Variants in ZNF705G observed in about 807,000 individuals in gnomAD.
ZNF705G encodes the protein zinc finger protein 705G, also known as putative zinc finger protein 705G.
ZNF705G carries 23 observed loss-of-function variants against 19.6 expected under a neutral mutation model. The ratio of observed to expected loss-of-function variants is 1.17; its 90% CI spans 0.84 to 1.66. The LOEUF is 1.66. Among genes scored for constraint, ZNF705G ranks in the 40% most tolerant of loss-of-function variants. The pLI, the probability that ZNF705G is intolerant of heterozygous loss-of-function variation, is 0.00. For missense variants in ZNF705G, 457 were observed against 354.4 expected (o/e 1.29, Z -2.32); for synonymous variants, 146 against 117.7 (o/e 1.24, Z -1.56).
rs866176858 is a variant in ZNF705G at position 7,381,155 on chromosome 8, A to G, written c.-72+297T>C. Among the ~76,000 whole-genome samples the G allele has an allele frequency of 4.6e-4, 57 of 123,310 alleles. 3 individuals carry two copies. The Middle Eastern group carries it at 0.023, about 49-fold the overall frequency. The allele number at this position is 123,310 out of a possible 152,430, so 80.9% of individuals were successfully genotyped here. A position where few individuals can be genotyped will look rare whatever the true frequency, so the allele number is the denominator to read the frequency against. The stretch of plus-strand genomic sequence containing the variant: ...TTGCCATTGCTTTGATTCACATGGA[A>G]ATGGTTTGTAAGCTGTGATGCCTAC... On this transcript the variant is annotated intron_variant, in intron 2 of 6. Coordinates refer to ENST00000400156, the MANE Select transcript of ZNF705G (RefSeq NM_001164457.3).
At chr8:7,365,231 T>C (rs1317848368) in intron 2 of ZNF705G, among the ~76,000 whole-genome samples, 1 of 149,562 alleles carries the variant, frequency 6.7e-6, no homozygotes, top group African/African-American at 2.6e-5. Context: ...AAAACTTATG[T>C]TATGGGTCTA....
At chr8:7,382,710 C>T (rs3915363) in intron 1 of ZNF705G, among the ~76,000 whole-genome samples, 89,987 of 145,194 alleles carry the variant, frequency 0.62, 24,726 homozygotes, top group Admixed American at 0.67. Flanking sequence ...AATTAACCAA[C>T]ATTTAATACC....
intron 2 of ZNF705G, among the ~76,000 whole-genome samples, chr8:7,367,446 C>A (rs768064975): frequency 4.0e-5 from 6 of 149,430 alleles, no homozygotes; most frequent in Non-Finnish European, 8.8e-5. Flanking sequence ...ACAAAAATGG[C>A]AAAGCATAAT....
chr8:7,383,722 G>C (rs1192524110), intron 1 of ZNF705G, among the ~76,000 whole-genome samples: 1 of 149,376 alleles, frequency 6.7e-6, no homozygotes, highest in Non-Finnish European at 1.5e-5. Flanking sequence ...TATAAAAGAG[G>C]CCTGAAGGAG....
In ZNF705G at chr8:7,380,157, C is replaced by G. The variant is rs571921958; in HGVS notation, c.-72+1295G>C. 1.2e-3 allele frequency among the ~76,000 whole-genome samples: 174 copies of G among 143,012 alleles called. 3 individuals are homozygous for G. In the Middle Eastern group the frequency reaches 0.014, roughly 11 times the overall value. 93.8% of individuals were successfully genotyped at this position (143,012 alleles called of 152,430 possible). Reference sequence around the variant, plus strand: ...AAGTGGAGAGTCACCTTCCCAGGACCACTGACACTGACAGCAATCCTGGCC... The same window carrying G: ...AAGTGGAGAGTCACCTTCCCAGGACGACTGACACTGACAGCAATCCTGGCC... On this transcript the variant is annotated intron_variant, in intron 2 of 6. Transcript: ENST00000400156.
intron 4 of ZNF705G, among the ~76,000 whole-genome samples, chr8:7,360,877 C>A (rs1179895543): frequency 6.7e-6 from 1 of 149,310 alleles, no homozygotes; most frequent in African/African-American, 2.6e-5. Flanking sequence ...CCAAAGAAAC[C>A]ATGAAATCCT....
chr8:7,368,167 C>A (rs9720878), intron 2 of ZNF705G, among the ~76,000 whole-genome samples: 2 of 149,502 alleles, frequency 1.3e-5, no homozygotes, highest in Non-Finnish European at 2.9e-5. Context: ...GACACTGAAT[C>A]TAATCAAAAA....
rs1221544776 is a variant in ZNF705G at position 7,355,668 on chromosome 8, T to G, written c.*2308A>C. On this transcript the variant is annotated 3_prime_UTR_variant, in exon 7 of 7. Coordinates refer to ENST00000400156, the MANE Select transcript of ZNF705G (RefSeq NM_001164457.3). ...TACGCTTTAATAATGGCTGGAGATC[T>G]GCCACCATGCATTTGTCAAATCCCA... 1 of 149,776 alleles carries G rather than the reference T, an allele frequency of 6.7e-6. No homozygotes were observed. The highest frequency in any genetic ancestry group is 1.5e-5 in the Non-Finnish European group (1 of 68,002). The allele number at this position is 149,776 out of a possible 1,614,324, so 9.3% of individuals were successfully genotyped here. A position where few individuals can be genotyped will look rare whatever the true frequency, so the allele number is the denominator to read the frequency against.
chr8:7,367,401 G>A (rs1480347787), intron 2 of ZNF705G, among the ~76,000 whole-genome samples: 7 of 149,424 alleles, frequency 4.7e-5, no homozygotes, highest in Non-Finnish European at 8.8e-5. Context: ...GCAGACCCCA[G>A]GAAGAAGCAA....
intron 2 of ZNF705G, among the ~76,000 whole-genome samples, chr8:7,381,022 C>A (rs374659296): frequency 0.99 from 32,810 of 33,306 alleles, 16,167 homozygotes; most frequent in Middle Eastern, 1. Context: ...TCTCAAACCA[C>A]CACCAAAAAA....
At chr8:7,385,308 C>T (rs1366876671) in intron 1 of ZNF705G, among the ~76,000 whole-genome samples, 190 bp downstream of exon 1, 1 of 148,564 alleles carries the variant, frequency 6.7e-6, no homozygotes, top group East Asian at 1.9e-4. Flanking sequence ...CACAAACACT[C>T]ATACCACAGC....
intron 3 of ZNF705G, among the ~76,000 whole-genome samples, chr8:7,362,185 C>T (rs1487779683): frequency 6.7e-6 from 1 of 149,590 alleles, no homozygotes; most frequent in African/African-American, 2.6e-5. Context: ...AAATTGTACT[C>T]TATCTACTAT....
At chr8:7,368,018 CTT>C (rs1286591294) in intron 2 of ZNF705G, among the ~76,000 whole-genome samples, 2 of 149,682 alleles carry the variant, frequency 1.3e-5, no homozygotes, top group East Asian at 3.9e-4. Flanking sequence ...CAGCAAGACT[CTT>C]TCCCCAAGGT....
intron 3 of ZNF705G, among the ~76,000 whole-genome samples, chr8:7,361,573 G>A (rs1464738813): frequency 2.0e-5 from 3 of 149,600 alleles, no homozygotes; most frequent in Admixed American, 6.6e-5. Context: ...AATTTACCAT[G>A]AATTTCAAGT....
rs761012848 is a variant in ZNF705G, at chr8:7,359,684, T to C, written c.253A>G (p.Lys85Glu). 22 of 1,606,730 alleles carry C rather than the reference T, an allele frequency of 1.4e-5. No individual in the cohort carries two copies. In the Admixed American group the frequency reaches 3.3e-4, roughly 24 times the overall value. ...TGCATGGATATCATGTGTGTTTTCTTAAGGGCACTTTCCCTGTCTGAAATA... is the reference window on the plus strand; with the variant it reads ...TGCATGGATATCATGTGTGTTTTCTCAAGGGCACTTTCCCTGTCTGAAATA... ...DQNPNRESAL[K>E]KTHMISMHPI... The change falls in exon 6 of 7, where the codon AAG becomes GAG. Residue 85 changes from lysine to glutamate, a missense_variant. Physicochemically the swap from Lys to Glu is moderately conservative, Grantham distance 56. Coordinates refer to ENST00000400156, the MANE Select transcript of ZNF705G (RefSeq NM_001164457.3).
Position 7,381,026 on chromosome 8 carries a change from C to CAAAA in ZNF705G, c.-72+422_-72+425dup, listed in dbSNP as rs1410321278. Among the ~76,000 whole-genome samples the CAAAA allele has an allele frequency of 2.6e-3, 32 of 12,302 alleles. 5 individuals carry two copies. The highest frequency in any genetic ancestry group is 5.5e-3 in the East Asian group (2 of 362). 8.1% of individuals were successfully genotyped at this position (12,302 alleles called of 152,430 possible). ...GCTAGACTCTGTCTCAAACCACCAC[C>CAAAA]AAAAAAAAAAAAAAAAAAAAAAAAA... On this transcript the variant is annotated intron_variant, in intron 2 of 6. Transcript: ENST00000400156.
chr8:7,368,863 G>C (rs1022594391), intron 2 of ZNF705G, among the ~76,000 whole-genome samples: 3 of 149,606 alleles, frequency 2.0e-5, no homozygotes, highest in African/African-American at 7.7e-5. Flanking sequence ...GAGGGTGCAA[G>C]CCACAAGCCT....
At chr8:7,380,183 C>T (rs1807425373) in intron 2 of ZNF705G, among the ~76,000 whole-genome samples, 1 of 142,738 alleles carries the variant, frequency 7.0e-6, no homozygotes, top group South Asian at 2.2e-4. Flanking sequence ...AATCCTGGCC[C>T]CCAGGAGCAG....
At chr8:7,366,497 G>C (rs1441865437) in intron 2 of ZNF705G, among the ~76,000 whole-genome samples, 1 of 149,438 alleles carries the variant, frequency 6.7e-6, no homozygotes, top group South Asian at 2.1e-4. Context: ...AGCAATAGAA[G>C]ACAGAATCTA....
Sources: allele counts gnomAD v4.1 joint callset (sites outside exome capture counted in the v4.1 genomes callset), GRCh38; gene constraint gnomAD v4.1.1; transcripts MANE v1.5; gene names NCBI Gene and HGNC (gene_info 2026-07-23, HGNC 2026-07-21).